NOS1: variants seen among roughly 807,000 people sequenced by gnomAD.
NOS1 encodes the protein nitric oxide synthase 1, also known as NOS type I.
Under a neutral mutation model 164.5 loss-of-function variants are expected in NOS1, and 51 were observed. That is an observed-to-expected ratio of 0.31 (90% CI 0.25 to 0.39). The LOEUF (loss-of-function observed/expected upper bound fraction) is 0.39. Ranked by LOEUF, NOS1 falls within the 10% of genes least tolerant of loss-of-function variation. The pLI, the probability that NOS1 is intolerant of heterozygous loss-of-function variation, is 1.00. For synonymous variants in NOS1, 719 were observed against 745.8 expected (o/e 0.96, Z 0.59); for missense variants, 1,362 against 1,885.6 (o/e 0.72, Z 5.14).
intron 20 of NOS1, among the ~76,000 whole-genome samples, chr12:117,236,952 G>A (rs544196453): frequency 3.7e-4 from 56 of 152,276 alleles, no homozygotes; most frequent in African/African-American, 1.3e-3. Context: ...CCTGCTGGGA[G>A]TTTAACCAAG....
intron 3 of NOS1, among the ~76,000 whole-genome samples, chr12:117,304,092 A>C (rs1039943276): frequency 6.6e-6 from 1 of 152,096 alleles, no homozygotes; most frequent in Non-Finnish European, 1.5e-5. Context: ...GAATGGCGTG[A>C]ACCTGGGAGG....
chr12:117,340,183 T>C (rs1003511441), intron 1 of NOS1, among the ~76,000 whole-genome samples: 2 of 152,104 alleles, frequency 1.3e-5, no homozygotes, highest in African/African-American at 4.8e-5. Flanking sequence ...TTTTAACTTT[T>C]TGTAGAAACG....
At chr12:117,279,345 G>T (rs901267045) in intron 8 of NOS1, among the ~76,000 whole-genome samples, 2 of 151,710 alleles carry the variant, frequency 1.3e-5, no homozygotes, top group African/African-American at 4.8e-5. Context: ...CTCCAGCCTG[G>T]CAACAGAGTG....
chr12:117,293,347 G>A (rs1873185987), intron 3 of NOS1, among the ~76,000 whole-genome samples: 1 of 152,176 alleles, frequency 6.6e-6, no homozygotes. Context: ...TGCAGGACAA[G>A]CCACGGGTGG....
At chr12:117,283,056 ATT>A (rs201451951) in intron 7 of NOS1, among the ~76,000 whole-genome samples, 4,416 of 92,688 alleles carry the variant, frequency 0.048, 75 homozygotes, top group African/African-American at 0.074. Context: ...ATATATATAT[ATT>A]TTTTTTTTTT....
At chr12:117,347,452 T>TC (rs1311032779) in intron 1 of NOS1, among the ~76,000 whole-genome samples, 2 of 152,042 alleles carry the variant, frequency 1.3e-5, no homozygotes, top group African/African-American at 4.8e-5. Context: ...TGGTGGCGCC[T>TC]CCCCCTTTAG....
chr12:117,329,162 C>T (rs933081871), intron 2 of NOS1, among the ~76,000 whole-genome samples: 3 of 152,154 alleles, frequency 2.0e-5, no homozygotes, highest in African/African-American at 7.2e-5. Context: ...ATCTTATTTA[C>T]CACCAGTCCT....
intron 24 of NOS1, 31 bp downstream of exon 24, chr12:117,226,652 G>C: frequency 6.3e-7 from 1 of 1,596,604 alleles, no homozygotes; most frequent in Non-Finnish European, 8.6e-7. Flanking sequence ...GATTTGAGAT[G>C]ATTGCTCATT....
chr12:117,231,760 A>T (rs911526080), intron 22 of NOS1, among the ~76,000 whole-genome samples: 3 of 152,190 alleles, frequency 2.0e-5, no homozygotes, highest in African/African-American at 7.2e-5. Context: ...GATTCAAGGG[A>T]GTCACTCTTG....
chr12:117,288,272 G>C lies in NOS1; in HGVS notation c.982-53C>G. Reference sequence around the variant, plus strand: ...GCTTGGTTTTACCCAAGAGTGGCAGGTGTTAGGCTGTGGGCTTGGATCTCG... The same window carrying C: ...GCTTGGTTTTACCCAAGAGTGGCAGCTGTTAGGCTGTGGGCTTGGATCTCG... On this transcript the variant is annotated intron_variant, in intron 4 of 28. Transcript: ENST00000317775. 6.4e-6 allele frequency: 10 copies of C among 1,552,448 alleles called. No homozygotes were observed. The South Asian group carries it at 1.1e-4, about 18-fold the overall frequency.
At position 117,259,137 on chromosome 12, in the gene NOS1, G is replaced by A. The variant is rs1254042109; in HGVS notation, c.2368-7C>T. The A allele has an allele frequency of 1.3e-6, 2 of 1,599,348 alleles. No individual in the cohort carries two copies. ...ATTCTTCCATGGACATCACCTAGGT[G>A]GGCAGGGCACAGGTATAGGATGGGG... On this transcript the variant is annotated splice_region_variant and splice_polypyrimidine_tract_variant and intron_variant, in intron 14 of 28. Coordinates refer to ENST00000317775, the MANE Select transcript of NOS1 (RefSeq NM_000620.5).
chr12:117,292,846 C>T (rs1873150794), intron 3 of NOS1, among the ~76,000 whole-genome samples: 1 of 152,200 alleles, frequency 6.6e-6, no homozygotes, highest in Non-Finnish European at 1.5e-5. Flanking sequence ...TCTCTGCTCC[C>T]ATGGAGTCAC....
chr12:117,275,958 C>A (rs1418840924), intron 9 of NOS1, among the ~76,000 whole-genome samples: 1 of 151,986 alleles, frequency 6.6e-6, no homozygotes, highest in Non-Finnish European at 1.5e-5. Flanking sequence ...GTGTTGCTGG[C>A]CCGAGACCTT....
chr12:117,309,346 G>A (rs1593012130), intron 3 of NOS1: 1 of 982,594 alleles, frequency 1.0e-6, no homozygotes, highest in Admixed American at 6.2e-5. Context: ...TTATCTTCCT[G>A]GCCAGCCATC....
At chr12:117,325,813 G>C (rs1316691317) in intron 2 of NOS1, among the ~76,000 whole-genome samples, 5 of 152,362 alleles carry the variant, frequency 3.3e-5, no homozygotes, top group African/African-American at 9.6e-5. Context: ...TGTTGTGTTT[G>C]CTGTGATTCT....
intron 5 of NOS1, 72 bp downstream of exon 5, chr12:117,288,002 G>A (rs1263177999): frequency 1.3e-5 from 21 of 1,586,116 alleles, no homozygotes; most frequent in Non-Finnish European, 1.6e-5. Flanking sequence ...GGTTTGCAAA[G>A]TTGGGGCTGA....
intron 1 of NOS1, among the ~76,000 whole-genome samples, chr12:117,346,332 G>C (rs1476008498): frequency 6.6e-6 from 1 of 152,130 alleles, no homozygotes; most frequent in African/African-American, 2.4e-5. Flanking sequence ...TTAGCCAGGC[G>C]TGGTGGCACG....
chr12:117,247,645 A>G, intron 17 of NOS1, 123 bp from the exon 18 acceptor site: 1 of 837,720 alleles, frequency 1.2e-6, no homozygotes, highest in Admixed American at 3.4e-5. Flanking sequence ...TCTCCTCACA[A>G]TTGTATTTTG....
At chr12:117,313,713 T>C (rs532835778) in intron 2 of NOS1, among the ~76,000 whole-genome samples, 1 of 152,270 alleles carries the variant, frequency 6.6e-6, no homozygotes, top group Admixed American at 6.5e-5. Flanking sequence ...AAGATGGAGA[T>C]AGGAGTTGGC....
Sources: gnomAD v4.1 joint callset for allele counts (sites outside exome capture counted in the v4.1 genomes callset) on GRCh38, gnomAD v4.1.1 for gene constraint, MANE v1.5 for transcripts, NCBI Gene and HGNC (gene_info 2026-07-23, HGNC 2026-07-21) for gene names.